STIM2: variants seen among roughly 807,000 people sequenced by gnomAD.
STIM2 encodes stromal interaction molecule 2.
In STIM2, 31 loss-of-function variants were observed where a neutral mutation model predicts 85.8. That is an observed-to-expected ratio of 0.36 (90% confidence interval 0.27 to 0.49). The LOEUF (loss-of-function observed/expected upper bound fraction) is 0.49. Among genes scored for constraint, STIM2 ranks in the 20% least tolerant of loss-of-function variants. The probability of loss-of-function intolerance (pLI) is 0.98; values close to 1 mark genes in which losing one functional copy is unlikely to be tolerated. For missense variants in STIM2, 841 were observed against 927.6 expected, an observed-to-expected ratio of 0.91 and a Z score of 1.21; for synonymous variants, 356 against 331.1, an observed-to-expected ratio of 1.08 and a Z score of -0.82.
rs1722168795 is a variant in STIM2, at chr4:26,861,236, G to A, written c.18G>A (p.Leu6=). ...GGGCTGCGTTGCTGGTGCTCGGGCT[G>A]CTGGTAGCCGGAGCGGCGGACGGAT... is the stretch of plus-strand genomic sequence containing the variant. The change falls in exon 1 of 12, where the codon CTG becomes CTA. Residue 6 remains leucine (L), a synonymous_variant. Transcript: ENST00000467087. 1 of 1,494,552 alleles carries A rather than the reference G, an allele frequency of 6.7e-7. No homozygotes were observed. The highest frequency in any genetic ancestry group is 8.9e-7 in the Non-Finnish European group (1 of 1,129,408). 92.6% of individuals were successfully genotyped at this position (1,494,552 alleles called of 1,614,324 possible).
intron 11 of STIM2, among the ~76,000 whole-genome samples, chr4:27,018,385 C>T (rs1337118496): frequency 2.0e-5 from 3 of 152,182 alleles, no homozygotes; most frequent in African/African-American, 7.2e-5. Context: ...CTGTTCCTTG[C>T]CACAGGATCT....
At chr4:27,008,580 G>T (rs1308510254) in intron 9 of STIM2, 52 bp downstream of exon 9, 3 of 1,330,832 alleles carry the variant, frequency 2.3e-6, no homozygotes, top group Non-Finnish European at 1.0e-6. Flanking sequence ...GTGTTAAAAT[G>T]AGTAATTTGT....
intron 1 of STIM2, among the ~76,000 whole-genome samples, chr4:26,906,921 T>TA (rs1724149221): frequency 6.6e-6 from 1 of 150,842 alleles, no homozygotes; most frequent in South Asian, 2.1e-4. Context: ...GAGCCGAGAT[T>TA]GCATCACTGC....
In STIM2 at chr4:26,873,170, C is replaced by T. The variant is rs375598877; in HGVS notation, c.151+11801C>T. Among the ~76,000 whole-genome samples the T allele has an allele frequency of 5.1e-4, 78 of 152,170 alleles. No homozygotes were observed. In the South Asian group the frequency reaches 7.5e-3, roughly 15 times the overall value. On this transcript the variant is annotated intron_variant, in intron 1 of 11. Coordinates refer to ENST00000467087, the MANE Select transcript of STIM2 (RefSeq NM_020860.4). ...ATCCCCACACTTTGGGAGGCCGAGG[C>T]GGGCGGATCACCTGAGGTCAGGAGT... is the stretch of plus-strand genomic sequence containing the variant.
At chr4:26,986,407 CAA>C (rs1727587685) in intron 3 of STIM2, among the ~76,000 whole-genome samples, 1 of 152,110 alleles carries the variant, frequency 6.6e-6, no homozygotes. Context: ...TTAAATATAA[CAA>C]ATGAAAAGTT....
intron 1 of STIM2, among the ~76,000 whole-genome samples, chr4:26,912,969 C>A (rs530061270): frequency 6.6e-6 from 1 of 152,238 alleles, no homozygotes; most frequent in Admixed American, 6.5e-5. Flanking sequence ...CTCCACAACA[C>A]CCCCGCCATT....
chr4:26,978,440 T>C (rs1436420165), intron 3 of STIM2, among the ~76,000 whole-genome samples: 1 of 152,016 alleles, frequency 6.6e-6, no homozygotes, highest in African/African-American at 2.4e-5. Flanking sequence ...AGTCAGGGGC[T>C]TAATCCACCC....
At chr4:26,892,368 A>C (rs1361752449) in intron 1 of STIM2, among the ~76,000 whole-genome samples, 1 of 152,088 alleles carries the variant, frequency 6.6e-6, no homozygotes, top group East Asian at 1.9e-4. Flanking sequence ...ATCTTTTTGT[A>C]TCTTCATGTG....
intron 7 of STIM2, among the ~76,000 whole-genome samples, chr4:27,004,080 T>C (rs1728251658): frequency 6.6e-6 from 1 of 152,218 alleles, no homozygotes; most frequent in Admixed American, 6.5e-5. Context: ...GCTGCCTTCT[T>C]AATAGAGTGC....
chr4:27,022,395 A>C (rs548421315), intron 11 of STIM2, 124 bp from the exon 12 acceptor site: 1 of 764,736 alleles, frequency 1.3e-6, no homozygotes, highest in African/African-American at 1.7e-5. Flanking sequence ...ATGTATATAG[A>C]ATCATATCAT....
At chr4:26,956,386 A>C (rs952751299) in intron 2 of STIM2, among the ~76,000 whole-genome samples, 1 of 152,000 alleles carries the variant, frequency 6.6e-6, no homozygotes, top group Non-Finnish European at 1.5e-5. Context: ...GACAATGGGA[A>C]ATGGTTTAAA....
At chr4:26,973,915 G>A (rs1727077242) in intron 3 of STIM2, among the ~76,000 whole-genome samples, 1 of 152,130 alleles carries the variant, frequency 6.6e-6, no homozygotes. Context: ...TATGAATCTG[G>A]TTGCTCCTGT....
intron 1 of STIM2, among the ~76,000 whole-genome samples, chr4:26,903,603 T>C (rs1018835156): frequency 2.0e-5 from 3 of 152,148 alleles, no homozygotes; most frequent in East Asian, 1.9e-4. Flanking sequence ...ATATAACTTA[T>C]AATAAATAAG....
intron 2 of STIM2, among the ~76,000 whole-genome samples, chr4:26,932,552 C>T (rs1025255478): frequency 1.4e-4 from 22 of 152,098 alleles, no homozygotes; most frequent in African/African-American, 5.3e-4. Context: ...TTTTGTTTTG[C>T]ATTTATTAAA....
intron 2 of STIM2, among the ~76,000 whole-genome samples, chr4:26,955,343 A>C (rs1347530920): frequency 6.8e-6 from 1 of 147,740 alleles, no homozygotes; most frequent in Non-Finnish European, 1.5e-5. Context: ...AGTAAAGATA[A>C]TTTTTTAGGA....
intron 7 of STIM2, among the ~76,000 whole-genome samples, chr4:27,005,365 T>C (rs1290338041): frequency 6.6e-6 from 1 of 152,202 alleles, no homozygotes; most frequent in Non-Finnish European, 1.5e-5. Flanking sequence ...ACCCCTATTA[T>C]ACGTGAGACA....
chr4:27,002,202 T>C lies in STIM2; in HGVS notation c.626-15T>C, dbSNP rs2109131440. The C allele has an allele frequency of 6.3e-7, 1 of 1,577,388 alleles. No individual in the cohort carries two copies. The highest frequency in any genetic ancestry group is 8.6e-7 in the Non-Finnish European group (1 of 1,167,258). On this transcript the variant is annotated splice_polypyrimidine_tract_variant and intron_variant, in intron 5 of 11. Coordinates refer to ENST00000467087, the MANE Select transcript of STIM2 (RefSeq NM_020860.4). ...ACTCAAAGATTAATTTAATCATCTG[T>C]AATTCTTTTAATAGGCCCACCTCAT...
rs534760555 is a variant in STIM2, at chr4:26,895,284, A to G, written c.152-24220A>G. On this transcript the variant is annotated intron_variant, in intron 1 of 11. Transcript: ENST00000467087. ...TTAAGTCTGTTTTAGTGGCTCTCATAAAATTTTATAGTTTTTCCCTAGAGG... is the reference window on the plus strand; with the variant it reads ...TTAAGTCTGTTTTAGTGGCTCTCATGAAATTTTATAGTTTTTCCCTAGAGG... Among the ~76,000 whole-genome samples the G allele has an allele frequency of 3.6e-3, 554 of 152,292 alleles. 2 individuals are homozygous for G. Among genetic ancestry groups the G allele is most frequent in the African/African-American group, 0.013 (544 of 41,556 alleles).
intron 3 of STIM2, among the ~76,000 whole-genome samples, chr4:26,986,914 T>TA (rs1233719627): frequency 6.6e-6 from 1 of 152,236 alleles, no homozygotes; most frequent in Non-Finnish European, 1.5e-5. Context: ...GTCCTTGTCT[T>TA]ATAGCAGCTT....
Sources: allele counts gnomAD v4.1 joint callset (sites outside exome capture counted in the v4.1 genomes callset), GRCh38; gene constraint gnomAD v4.1.1; transcripts MANE v1.5; gene names NCBI Gene and HGNC (gene_info 2026-07-23, HGNC 2026-07-21).